Variants in SORCS3 observed in about 807,000 individuals in gnomAD.
The protein encoded by SORCS3 is sortilin related VPS10 domain containing receptor 3, also known as VPS10 domain-containing receptor SorCS3.
In SORCS3, 57 loss-of-function variants were observed where a neutral mutation model predicts 146.3. That is an observed-to-expected ratio of 0.39 (90% CI 0.31 to 0.49). The LOEUF is 0.49. SORCS3 is among the 20% of genes least tolerant of loss of function. The pLI is 0.92. For missense variants in SORCS3, 1,341 were observed against 1,575.5 expected, an observed-to-expected ratio of 0.85 and a Z score of 2.52; for synonymous variants, 653 against 618.5, an observed-to-expected ratio of 1.06 and a Z score of -0.83.
At chr10:105,240,295 C>T (rs1034614806) in intron 20 of SORCS3, among the ~76,000 whole-genome samples, 1 of 152,114 alleles carries the variant, frequency 6.6e-6, no homozygotes, top group African/African-American at 2.4e-5. Flanking sequence ...ATGTATGCTA[C>T]TGAGAGCTGA....
chr10:104,970,617 G>A (rs1219166629), intron 3 of SORCS3, among the ~76,000 whole-genome samples: 1 of 152,060 alleles, frequency 6.6e-6, no homozygotes, highest in Non-Finnish European at 1.5e-5. Context: ...GTATTTCCCT[G>A]CATTATTCAC....
At chr10:104,891,856 A>G (rs796742302) in intron 2 of SORCS3, among the ~76,000 whole-genome samples, 17 of 152,280 alleles carry the variant, frequency 1.1e-4, no homozygotes, top group African/African-American at 2.6e-4. Flanking sequence ...TGCTTTTTCA[A>G]TCATAACACA....
At chr10:105,213,518 G>A (rs2056646976) in intron 17 of SORCS3, among the ~76,000 whole-genome samples, 1 of 152,148 alleles carries the variant, frequency 6.6e-6, no homozygotes, top group South Asian at 2.1e-4. Context: ...TAGTGGTGGT[G>A]TGTTTCTTTC....
chr10:104,696,184 T>C (rs1204842614), intron 1 of SORCS3, among the ~76,000 whole-genome samples: 2 of 126,472 alleles, frequency 1.6e-5, no homozygotes, highest in Admixed American at 1.9e-4. Flanking sequence ...ATATATATCA[T>C]ATACACATAT....
intron 3 of SORCS3, among the ~76,000 whole-genome samples, chr10:104,960,571 C>G (rs966359416): frequency 1.3e-5 from 2 of 152,082 alleles, no homozygotes; most frequent in Non-Finnish European, 1.5e-5. Flanking sequence ...TCTTCTGCGC[C>G]CATAATAATC....
chr10:104,882,934 T>G (rs1346355478), intron 2 of SORCS3, among the ~76,000 whole-genome samples: 1 of 152,228 alleles, frequency 6.6e-6, no homozygotes, highest in African/African-American at 2.4e-5. Flanking sequence ...TGATTTTTGG[T>G]GAAGTGTGGA....
chr10:104,757,183 G>A (rs573696714), intron 1 of SORCS3, among the ~76,000 whole-genome samples: 17 of 149,728 alleles, frequency 1.1e-4, no homozygotes, highest in Admixed American at 6.7e-4. Context: ...CCCACATCAT[G>A]TGGCAGCACA....
At chr10:104,861,388 T>C (rs1415846128) in intron 2 of SORCS3, among the ~76,000 whole-genome samples, 6 of 152,186 alleles carry the variant, frequency 3.9e-5, no homozygotes, top group African/African-American at 7.2e-5. Context: ...TGAAAACAGC[T>C]GGGCAGCTGA....
intron 1 of SORCS3, among the ~76,000 whole-genome samples, chr10:104,684,864 C>T (rs1484044014): frequency 8.1e-6 from 1 of 123,676 alleles, no homozygotes. Context: ...GTCACCCAGG[C>T]TGGAGTACAG....
chr10:104,859,113 C>A (rs967546628), intron 2 of SORCS3, among the ~76,000 whole-genome samples: 1 of 151,786 alleles, frequency 6.6e-6, no homozygotes, highest in East Asian at 1.9e-4. Flanking sequence ...GTTAGTATGC[C>A]TAAATTTATT....
At chr10:104,807,754 G>T (rs2017695305) in intron 1 of SORCS3, among the ~76,000 whole-genome samples, 2 of 152,166 alleles carry the variant, frequency 1.3e-5, no homozygotes, top group South Asian at 4.1e-4. Context: ...AACACTTGCT[G>T]CTCTCCCAGC....
At chr10:105,081,493 A>G (rs1013858249) in intron 5 of SORCS3, among the ~76,000 whole-genome samples, 2 of 152,208 alleles carry the variant, frequency 1.3e-5, no homozygotes, top group Non-Finnish European at 1.5e-5. Context: ...CTGAGGTTGT[A>G]GCGTCCAGCT....
intron 16 of SORCS3, among the ~76,000 whole-genome samples, chr10:105,209,026 C>G (rs2056618674): frequency 6.6e-6 from 1 of 152,154 alleles, no homozygotes; most frequent in Non-Finnish European, 1.5e-5. Context: ...ATTAACTCCA[C>G]AGGAATCTGT....
At chr10:104,882,100 T>C (rs139260600) in intron 2 of SORCS3, among the ~76,000 whole-genome samples, 2 of 152,276 alleles carry the variant, frequency 1.3e-5, no homozygotes, top group East Asian at 3.9e-4. Flanking sequence ...CTTTGACTGA[T>C]CTGCCACTGA....
At chr10:104,974,791 T>G (rs9664247) in intron 3 of SORCS3, among the ~76,000 whole-genome samples, 2 of 152,016 alleles carry the variant, frequency 1.3e-5, no homozygotes, top group African/African-American at 4.8e-5. Context: ...TTCCTAGCCT[T>G]GATGATCTTT....
intron 1 of SORCS3, among the ~76,000 whole-genome samples, chr10:104,661,139 C>G (rs1395920299): frequency 6.6e-6 from 1 of 152,172 alleles, no homozygotes; most frequent in Non-Finnish European, 1.5e-5. Context: ...ATTAAATTAT[C>G]TTCTTCAGCA....
At chr10:104,945,907 C>T (rs1370803134) in intron 3 of SORCS3, among the ~76,000 whole-genome samples, 5 of 151,726 alleles carry the variant, frequency 3.3e-5, no homozygotes, top group Admixed American at 2.0e-4. Context: ...TGGACTCAGG[C>T]GGCTGTTATT....
intron 1 of SORCS3, among the ~76,000 whole-genome samples, chr10:104,779,970 G>A (rs2017355053): frequency 6.6e-6 from 1 of 152,158 alleles, no homozygotes; most frequent in African/African-American, 2.4e-5. Context: ...TCATCCGAGG[G>A]AGGCTTGACA....
At chr10:104,994,107 C>T (rs2055009901) in intron 4 of SORCS3, among the ~76,000 whole-genome samples, 1 of 152,172 alleles carries the variant, frequency 6.6e-6, no homozygotes, top group Non-Finnish European at 1.5e-5. Flanking sequence ...GTACATGATA[C>T]TCAACAAATA....
Sources: allele counts gnomAD v4.1 joint callset (sites outside exome capture counted in the v4.1 genomes callset), GRCh38; gene constraint gnomAD v4.1.1; transcripts MANE v1.5; gene names NCBI Gene and HGNC (gene_info 2026-07-23, HGNC 2026-07-21).